NDUFAF2: variants seen among roughly 807,000 people sequenced by gnomAD.
NDUFAF2 encodes the protein NADH dehydrogenase [ubiquinone] 1 alpha subcomplex assembly factor 2.
A neutral mutation model predicts 22.8 loss-of-function variants in NDUFAF2; 13 were observed. The ratio of observed to expected loss-of-function variants is 0.57; its 90% CI spans 0.37 to 0.91. NDUFAF2 has a LOEUF of 0.91. Ranked by LOEUF, NDUFAF2 falls within the 40% of genes least tolerant of loss-of-function variation. The pLI, the probability that NDUFAF2 is intolerant of heterozygous loss-of-function variation, is 0.01. For missense variants in NDUFAF2, 162 were observed against 195.2 expected, an observed-to-expected ratio of 0.83 and a Z score of 1.01; for synonymous variants, 53 against 64.2, an observed-to-expected ratio of 0.83 and a Z score of 0.84.
intron 1 of NDUFAF2, among the ~76,000 whole-genome samples, chr5:61,038,791 A>G (rs1751834365): frequency 6.6e-6 from 1 of 152,150 alleles, no homozygotes; most frequent in East Asian, 1.9e-4. Context: ...ACAAAAACCA[A>G]TAACTCCATA....
intron 1 of NDUFAF2, among the ~76,000 whole-genome samples, chr5:61,069,990 T>C (rs1752275342): frequency 1.3e-5 from 2 of 152,082 alleles, no homozygotes; most frequent in Non-Finnish European, 2.9e-5. Context: ...TCAAACCCTG[T>C]GTTTCAATTA....
intron 3 of NDUFAF2, among the ~76,000 whole-genome samples, chr5:61,143,231 C>T (rs1741083836): frequency 6.6e-6 from 1 of 152,108 alleles, no homozygotes; most frequent in African/African-American, 2.4e-5. Flanking sequence ...GGTCCCAAAA[C>T]ATACTTCATG....
chr5:61,115,275 GA>G (rs1325913931), intron 3 of NDUFAF2: 2 of 152,284 alleles, frequency 1.3e-5, no homozygotes, highest in Non-Finnish European at 2.9e-5. Context: ...GTTTGTGGTG[GA>G]TGCTGCCAGG....
At chr5:61,009,704 G>A (rs1751419589) in intron 1 of NDUFAF2, among the ~76,000 whole-genome samples, 1 of 151,894 alleles carries the variant, frequency 6.6e-6, no homozygotes, top group Non-Finnish European at 1.5e-5. Flanking sequence ...TTCAAGTCAT[G>A]GAATTCACTC....
rs879375890 is a variant in NDUFAF2 at position 61,064,977 on chromosome 5, C to T, written c.128-8148C>T. On this transcript the variant is annotated intron_variant, in intron 1 of 3. Coordinates refer to ENST00000296597, the MANE Select transcript of NDUFAF2 (RefSeq NM_174889.5). ...CAAAATTTACAAACCCTTAACCAGTCTAAGAAAAAAAAATTCAAACAAAAT... is the reference window on the plus strand; with the variant it reads ...CAAAATTTACAAACCCTTAACCAGTTTAAGAAAAAAAAATTCAAACAAAAT... Among the ~76,000 whole-genome samples the T allele has an allele frequency of 7.3e-4, 111 of 151,062 alleles. 1 individual carries two copies. Among genetic ancestry groups the T allele is most frequent in the Admixed American group, 6.7e-3 (102 of 15,150 alleles).
intron 1 of NDUFAF2, among the ~76,000 whole-genome samples, chr5:61,029,426 A>T (rs540887472): frequency 6.6e-6 from 1 of 152,166 alleles, no homozygotes; most frequent in Admixed American, 6.6e-5. Context: ...GAAAGGTCAA[A>T]TGTATTCCTT....
chr5:61,067,476 A>G (rs971352918), intron 1 of NDUFAF2, among the ~76,000 whole-genome samples: 1 of 152,076 alleles, frequency 6.6e-6, no homozygotes, highest in Admixed American at 6.5e-5. Context: ...ATGTCCCTAC[A>G]AAGGACATGA....
At chr5:61,127,873 A>G (rs543370391) in intron 3 of NDUFAF2, among the ~76,000 whole-genome samples, 5 of 152,328 alleles carry the variant, frequency 3.3e-5, no homozygotes, top group Admixed American at 3.3e-4. Flanking sequence ...TGCAGATGAC[A>G]TGATTGTATA....
intron 1 of NDUFAF2, among the ~76,000 whole-genome samples, chr5:60,998,153 TTAAA>T (rs1254060179): frequency 6.6e-6 from 1 of 152,186 alleles, no homozygotes; most frequent in East Asian, 1.9e-4. Context: ...CAATGTAAAC[TTAAA>T]TGAATGAATA....
intron 3 of NDUFAF2, among the ~76,000 whole-genome samples, chr5:61,147,549 C>T (rs1024648090): frequency 1.3e-5 from 2 of 149,284 alleles, no homozygotes; most frequent in African/African-American, 4.9e-5. Context: ...GCTAGGATTA[C>T]AGGCGTGAGC....
intron 1 of NDUFAF2, among the ~76,000 whole-genome samples, chr5:61,041,328 AT>A (rs1238667471): frequency 6.6e-6 from 1 of 152,126 alleles, no homozygotes; most frequent in Non-Finnish European, 1.5e-5. Flanking sequence ...TTTTATAAGT[AT>A]TTGAATATTT....
chr5:61,056,458 TCA>T (rs1308570567), intron 1 of NDUFAF2, among the ~76,000 whole-genome samples: 2 of 152,216 alleles, frequency 1.3e-5, no homozygotes, highest in Non-Finnish European at 2.9e-5. Context: ...TTTGGTGCAA[TCA>T]CAGCTTATTA....
chr5:61,059,818 T>A (rs1752142182), intron 1 of NDUFAF2, among the ~76,000 whole-genome samples: 1 of 152,116 alleles, frequency 6.6e-6, no homozygotes. Flanking sequence ...TCTTACATGT[T>A]CACATAAGTA....
chr5:61,086,095 C>T (rs534365977), intron 2 of NDUFAF2, among the ~76,000 whole-genome samples: 3 of 151,436 alleles, frequency 2.0e-5, no homozygotes, highest in Admixed American at 6.6e-5. Context: ...CTCCAGCCTG[C>T]GTGACACAGC....
intron 1 of NDUFAF2, among the ~76,000 whole-genome samples, chr5:60,956,321 G>T (rs972487019): frequency 6.6e-6 from 1 of 152,014 alleles, no homozygotes; most frequent in Non-Finnish European, 1.5e-5. Context: ...GGCTTCTTCC[G>T]CTCTAATTTG....
At chr5:60,970,899 T>G (rs1285561996) in intron 1 of NDUFAF2, among the ~76,000 whole-genome samples, 1 of 152,146 alleles carries the variant, frequency 6.6e-6, no homozygotes, top group Non-Finnish European at 1.5e-5. Flanking sequence ...ATATATATAT[T>G]TTTGTCTACA....
At position 61,030,592 on chromosome 5, in the gene NDUFAF2, G is replaced by A. The variant is rs908285525; in HGVS notation, c.128-42533G>A. 6.6e-5 allele frequency among the ~76,000 whole-genome samples: 10 copies of A among 151,946 alleles called. No homozygotes were observed. The East Asian group carries it at 1.9e-3, about 29-fold the overall frequency. The stretch of plus-strand genomic sequence containing the variant: ...AACCATTGATTTTGTTTTCAGGTTA[G>A]TTTTCTGCCTTAGCTGTTTTCTTTC... On this transcript the variant is annotated intron_variant, in intron 1 of 3. Coordinates refer to ENST00000296597, the MANE Select transcript of NDUFAF2 (RefSeq NM_174889.5).
intron 1 of NDUFAF2, among the ~76,000 whole-genome samples, chr5:61,017,459 ATG>A (rs1418340876): frequency 6.6e-6 from 1 of 152,168 alleles, no homozygotes; most frequent in African/African-American, 2.4e-5. Flanking sequence ...AAAAAAATGA[ATG>A]TATGATTTTA....
At chr5:61,120,568 T>C (rs1367181917) in intron 3 of NDUFAF2, among the ~76,000 whole-genome samples, 2 of 152,098 alleles carry the variant, frequency 1.3e-5, no homozygotes, top group Non-Finnish European at 2.9e-5. Context: ...TTATCTGACT[T>C]TTAAGGGGCA....
Sources: gnomAD v4.1 joint callset for allele counts (sites outside exome capture counted in the v4.1 genomes callset) on GRCh38, gnomAD v4.1.1 for gene constraint, MANE v1.5 for transcripts, NCBI Gene and HGNC (gene_info 2026-07-23, HGNC 2026-07-21) for gene names.